Variants in AP3B1 observed in about 807,000 individuals in gnomAD.
The protein encoded by AP3B1 is adaptor related protein complex 3 subunit beta 1.
Under a neutral mutation model 132.5 loss-of-function variants are expected in AP3B1, and 61 were observed. That is an observed-to-expected ratio of 0.46 (90% CI 0.37 to 0.57). The LOEUF is 0.57. Among genes scored for constraint, AP3B1 ranks in the 20% least tolerant of loss-of-function variants. The pLI, the probability that AP3B1 is intolerant of heterozygous loss-of-function variation, is 0.00. For synonymous variants in AP3B1, 388 were observed against 438.3 expected, an observed-to-expected ratio of 0.89 and a Z score of 1.43; for missense variants, 1,120 against 1,289.4, an observed-to-expected ratio of 0.87 and a Z score of 2.01.
intron 20 of AP3B1, among the ~76,000 whole-genome samples, chr5:78,105,742 T>C (rs932897228): frequency 6.6e-6 from 1 of 152,166 alleles, no homozygotes; most frequent in Non-Finnish European, 1.5e-5. Context: ...CGCTTATCAA[T>C]CAACATAATT....
chr5:78,166,387 T>G (rs913422295), intron 11 of AP3B1, among the ~76,000 whole-genome samples: 2 of 152,148 alleles, frequency 1.3e-5, no homozygotes, highest in Non-Finnish European at 2.9e-5. Context: ...GCTTTTTGTC[T>G]TTTAGTAAAG....
At chr5:78,140,730 C>T (rs1426022522) in intron 15 of AP3B1, among the ~76,000 whole-genome samples, 1 of 152,152 alleles carries the variant, frequency 6.6e-6, no homozygotes, top group Non-Finnish European at 1.5e-5. Context: ...CTGGACTCAC[C>T]TTCAAAAAGT....
chr5:78,111,095 T>C (rs1350859559), intron 19 of AP3B1, among the ~76,000 whole-genome samples: 1 of 152,150 alleles, frequency 6.6e-6, no homozygotes, highest in East Asian at 1.9e-4. Context: ...CTACTTCTGC[T>C]AAAATAGACT....
chr5:78,230,752 G>C (rs957420114), intron 3 of AP3B1, among the ~76,000 whole-genome samples: 7 of 152,094 alleles, frequency 4.6e-5, no homozygotes, highest in Non-Finnish European at 1.0e-4. Flanking sequence ...GTAAACAAAT[G>C]ACAGTTCCTC....
chr5:78,048,332 G>A (rs1331765112), intron 22 of AP3B1, among the ~76,000 whole-genome samples: 2 of 152,084 alleles, frequency 1.3e-5, no homozygotes, highest in African/African-American at 2.4e-5. Flanking sequence ...AGGAAGCTTT[G>A]CCCCCAATGC....
At chr5:78,192,238 C>A (rs1161089346) in intron 7 of AP3B1, among the ~76,000 whole-genome samples, 1 of 151,348 alleles carries the variant, frequency 6.6e-6, no homozygotes, top group Non-Finnish European at 1.5e-5. Context: ...TAAATATAAA[C>A]CAAGAGAAAA....
chr5:78,246,187 A>G (rs1485918364), intron 2 of AP3B1, among the ~76,000 whole-genome samples: 1 of 152,234 alleles, frequency 6.6e-6, no homozygotes, highest in African/African-American at 2.4e-5. Flanking sequence ...CCTGTTCTCT[A>G]ACTTCACACA....
intron 2 of AP3B1, among the ~76,000 whole-genome samples, chr5:78,242,960 T>A (rs1173187395): frequency 6.6e-6 from 1 of 152,220 alleles, no homozygotes; most frequent in Non-Finnish European, 1.5e-5. Context: ...TAAAAAGATA[T>A]TAGCTTTATT....
chr5:78,119,117 T>G (rs983021031), intron 17 of AP3B1, among the ~76,000 whole-genome samples: 2 of 152,142 alleles, frequency 1.3e-5, no homozygotes, highest in South Asian at 4.1e-4. Flanking sequence ...CAACAGACCT[T>G]CAGCTGAGGG....
In AP3B1 at chr5:78,197,190, T is replaced by C. The variant is rs145405467; in HGVS notation, c.787-15528A>G. ...CTCCAAAAAATAAAGCTTATTTTTA[T>C]TTTTAAGAAAGCAGTGAGTTTAATA... is the stretch of plus-strand genomic sequence containing the variant. On this transcript the variant is annotated intron_variant, in intron 7 of 26. Coordinates refer to ENST00000255194, the MANE Select transcript of AP3B1 (RefSeq NM_003664.5). Among the ~76,000 whole-genome samples, 466 of 152,196 alleles carry C rather than the reference T, an allele frequency of 3.1e-3. 4 individuals are homozygous for C. The highest frequency in any genetic ancestry group is 0.011 in the African/African-American group (445 of 41,466).
At chr5:78,191,239 G>C (rs777424154) in intron 7 of AP3B1, among the ~76,000 whole-genome samples, 4 of 150,662 alleles carry the variant, frequency 2.7e-5, no homozygotes. Flanking sequence ...TAAGAAACCT[G>C]TTAGAAGGCA....
chr5:78,078,003 G>A (rs1749832437), intron 22 of AP3B1, among the ~76,000 whole-genome samples: 1 of 152,044 alleles, frequency 6.6e-6, no homozygotes, highest in Non-Finnish European at 1.5e-5. Flanking sequence ...TTTCCCTTCT[G>A]TTCCCCTACC....
intron 3 of AP3B1, among the ~76,000 whole-genome samples, chr5:78,228,468 C>T (rs1043771547): frequency 3.3e-5 from 5 of 152,172 alleles, no homozygotes; most frequent in South Asian, 4.1e-4. Flanking sequence ...ATCAAAGTGT[C>T]CCTTCCTCTT....
intron 2 of AP3B1, among the ~76,000 whole-genome samples, chr5:78,253,532 A>G (rs937097575): frequency 2.6e-5 from 4 of 152,232 alleles, no homozygotes; most frequent in African/African-American, 9.6e-5. Context: ...CCAGGAAAAT[A>G]CGACCTCACC....
intron 22 of AP3B1, among the ~76,000 whole-genome samples, chr5:78,075,983 G>A (rs6453371): frequency 0.048 from 7,304 of 152,266 alleles, 577 homozygotes; most frequent in African/African-American, 0.16. Context: ...AGTAGTTCAG[G>A]TATCTAAATC....
In AP3B1 at chr5:78,038,997, T is replaced by C. The variant is rs192217190; in HGVS notation, c.2809+46A>G. ...ACTTTACTTTTAAAATGAACATATT[T>C]AGTGATCAAATATAGTTAAGGTTTT... On this transcript the variant is annotated intron_variant, in intron 23 of 26. Coordinates refer to ENST00000255194, the MANE Select transcript of AP3B1 (RefSeq NM_003664.5). 2.2e-4 allele frequency: 255 copies of C among 1,162,122 alleles called. 3 individuals carry two copies. The East Asian group carries it at 4.5e-3, about 21-fold the overall frequency. The allele number at this position is 1,162,122 out of a possible 1,614,324, so 72.0% of individuals were successfully genotyped here. A position where few individuals can be genotyped will look rare whatever the true frequency, so the allele number is the denominator to read the frequency against.
At chr5:78,041,436 G>A (rs1247305951) in intron 22 of AP3B1, among the ~76,000 whole-genome samples, 2 of 151,890 alleles carry the variant, frequency 1.3e-5, no homozygotes, top group Non-Finnish European at 2.9e-5. Flanking sequence ...CATTGCGCCT[G>A]TAGTCCCAGC....
At chr5:78,191,305 T>G (rs181147209) in intron 7 of AP3B1, among the ~76,000 whole-genome samples, 1 of 126,032 alleles carries the variant, frequency 7.9e-6, no homozygotes, top group African/African-American at 3.2e-5. Context: ...GAAGAAGTAG[T>G]AAATCTAGAA....
chr5:78,071,088 A>T (rs1441373267), intron 22 of AP3B1, among the ~76,000 whole-genome samples: 1 of 152,210 alleles, frequency 6.6e-6, no homozygotes, highest in African/African-American at 2.4e-5. Context: ...AAATAATTCT[A>T]TTATAAAGAT....
Sources: allele counts gnomAD v4.1 joint callset (sites outside exome capture counted in the v4.1 genomes callset), GRCh38; gene constraint gnomAD v4.1.1; transcripts MANE v1.5; gene names NCBI Gene and HGNC (gene_info 2026-07-23, HGNC 2026-07-21).